The following SLC1A7 variants were observed in gnomAD, a reference collection of about 807,000 sequenced individuals.
The protein encoded by SLC1A7 is solute carrier family 1 member 7.
In SLC1A7, 40 loss-of-function variants were observed where a neutral mutation model predicts 47.7. The ratio of observed to expected loss-of-function variants is 0.84; its 90% confidence interval spans 0.65 to 1.09. SLC1A7 has a LOEUF of 1.09. Among genes scored for constraint, SLC1A7 ranks in the 50% least tolerant of loss-of-function variants. The pLI is 0.00. For missense variants in SLC1A7, 746 were observed against 769.5 expected, an observed-to-expected ratio of 0.97 and a Z score of 0.36; for synonymous variants, 323 against 325.6, an observed-to-expected ratio of 0.99 and a Z score of 0.09.
chr1:53,093,573 G>T lies in SLC1A7; in HGVS notation c.698-13C>A. Reference sequence around the variant, plus strand: ...CCCAGCATGATGCCTGCGGGTCAGGGACACAGTGCTGTGGTAAAGCAGGGA... The same window carrying T: ...CCCAGCATGATGCCTGCGGGTCAGGTACACAGTGCTGTGGTAAAGCAGGGA... On this transcript the variant is annotated splice_polypyrimidine_tract_variant and intron_variant, in intron 5 of 10. Transcript: ENST00000371494. The T allele has an allele frequency of 6.3e-7, 1 of 1,586,030 alleles. No homozygotes were observed. The highest frequency in any genetic ancestry group is 1.1e-5 in the South Asian group (1 of 87,984).
chr1:53,121,826 G>C (rs1644828821), intron 2 of SLC1A7, among the ~76,000 whole-genome samples: 2 of 152,236 alleles, frequency 1.3e-5, no homozygotes, highest in African/African-American at 4.8e-5. Flanking sequence ...GAGTCACCTG[G>C]GACGCGGGGC....
rs1212141950 is a variant in SLC1A7 at position 53,114,757 on chromosome 1, C to T, written c.431+1G>A. 2 of 1,613,230 alleles carry T rather than the reference C, an allele frequency of 1.2e-6. No individual in the cohort carries two copies. Reference sequence around the variant, plus strand: ...AGCGGGGTGTGGGTGGCAATAGTTACCGGATGAGGTCCAACAGGGCATCGG... The same window carrying T: ...AGCGGGGTGTGGGTGGCAATAGTTATCGGATGAGGTCCAACAGGGCATCGG... On this transcript the variant is annotated splice_donor_variant, in intron 3 of 10. Transcript: ENST00000371494. LOFTEE classifies it high-confidence loss of function.
At chr1:53,106,894 C>A (rs1409855376) in intron 3 of SLC1A7, among the ~76,000 whole-genome samples, 1 of 152,058 alleles carries the variant, frequency 6.6e-6, no homozygotes, top group Non-Finnish European at 1.5e-5. Flanking sequence ...GTAGTTCATG[C>A]CTGTAATCCC....
At position 53,114,873 on chromosome 1, in the gene SLC1A7, C is replaced by T. The variant is rs140456478; in HGVS notation, c.316G>A (p.Val106Met). 4.5e-5 allele frequency: 73 copies of T among 1,614,184 alleles called. No homozygotes were observed. The highest frequency in any genetic ancestry group is 5.6e-5 in the Non-Finnish European group (66 of 1,180,014). ...ATGATGGAGACCATGAAGATGCCCA[C>T]GATGACAGCCATGAAGGTGGTCCAC... ...YLWTTFMAVIVGIFMVSIIHP... is the reference protein window; with the variant it reads ...YLWTTFMAVIMGIFMVSIIHP... The change falls in exon 3 of 11, where the codon GTG becomes ATG. Residue 106 changes from valine (V) to methionine (M), a missense_variant. Transcript: ENST00000371494.
In SLC1A7 at chr1:53,092,874, C is replaced by A. The variant is rs943106601; in HGVS notation, c.798-87G>T. On this transcript the variant is annotated intron_variant, in intron 6 of 10. Coordinates refer to ENST00000371494, the MANE Select transcript of SLC1A7 (RefSeq NM_006671.6). ...CCCGCATCGCTGCGCGGCCTTCCCC[C>A]TGAGCTTCCTGGGGCTCCTGCGAGG... 4.7e-6 allele frequency: 4 copies of A among 851,948 alleles called. No individual in the cohort carries two copies. The East Asian group carries it at 7.7e-5, about 16-fold the overall frequency. The allele number at this position is 851,948 out of a possible 1,614,324, so 52.8% of individuals were successfully genotyped here.
At chr1:53,101,706 A>T (rs573368394) in intron 5 of SLC1A7, among the ~76,000 whole-genome samples, 79 of 142,646 alleles carry the variant, frequency 5.5e-4, no homozygotes, top group African/African-American at 2.1e-3. Context: ...CACTCACACC[A>T]GCTTGGTACA....
At chr1:53,138,791 CCTTT>C (rs1363499084) in intron 1 of SLC1A7, among the ~76,000 whole-genome samples, 2 of 152,138 alleles carry the variant, frequency 1.3e-5, no homozygotes, top group African/African-American at 4.8e-5. Context: ...GAGTATTTAT[CCTTT>C]CTATGTGTTG....
rs372112848 is a variant in SLC1A7 at position 53,090,775 on chromosome 1, G to A, written c.1063C>T (p.Leu355=). 7 of 1,613,000 alleles carry A rather than the reference G, an allele frequency of 4.3e-6. No homozygotes were observed. Among genetic ancestry groups the A allele is most frequent in the Non-Finnish European group, 5.1e-6 (6 of 1,179,642 alleles). Residue 355 remains leucine, a synonymous_variant, in exon 8 of 11, where the codon CTG becomes TTG. Transcript: ENST00000371494. ...CGGTCGATGTGGTTGTTCTCCAGCAGGCACTTGAAGGTGATGGGCAGTGTG... is the reference window on the plus strand; with the variant it reads ...CGGTCGATGTGGTTGTTCTCCAGCAAGCACTTGAAGGTGATGGGCAGTGTG... ...SATLPITFKC[L]LENNHIDRRI...
intron 1 of SLC1A7, 25 bp from the exon 2 acceptor site, chr1:53,134,454 T>C: frequency 6.5e-7 from 1 of 1,528,670 alleles, no homozygotes; most frequent in Non-Finnish European, 9.0e-7. Flanking sequence ...AGAACTGGGG[T>C]TATAGCAAGA....
At chr1:53,088,484 C>T (rs1420214387) in intron 10 of SLC1A7, among the ~76,000 whole-genome samples, 2 of 152,116 alleles carry the variant, frequency 1.3e-5, no homozygotes, top group Non-Finnish European at 2.9e-5. Flanking sequence ...TGGTGGATCC[C>T]CTGCCTGACC....
chr1:53,125,819 T>G (rs1644876616), intron 2 of SLC1A7, among the ~76,000 whole-genome samples: 1 of 152,170 alleles, frequency 6.6e-6, no homozygotes, highest in Admixed American at 6.5e-5. Context: ...GCAGGGCTGG[T>G]GGCAGGACCC....
At chr1:53,090,952 G>T in intron 7 of SLC1A7, 146 bp from the exon 8 acceptor site, 1 of 1,524,338 alleles carries the variant, frequency 6.6e-7, no homozygotes. Flanking sequence ...GGTAAGGACC[G>T]CGGGCACTGC....
In SLC1A7 at chr1:53,100,180, TTCACACACCCCACCTTGGTATAC is replaced by T. The variant is rs537437351; in HGVS notation, c.697+3143_697+3165del. ...CACCCACACACACCACCTCAGTACA[TTCACACACCCCACCTTGGTATAC>T]TCACACACCCCACCTTGGTACACTC... On this transcript the variant is annotated intron_variant, in intron 5 of 10. Transcript: ENST00000371494. 1.3e-3 allele frequency among the ~76,000 whole-genome samples: 107 copies of T among 81,862 alleles called. 1 individual carries two copies. The highest frequency in any genetic ancestry group is 5.2e-3 in the African/African-American group (103 of 19,764). 53.7% of individuals were successfully genotyped at this position (81,862 alleles called of 152,430 possible).
chr1:53,092,341 G>A (rs1644431316), intron 7 of SLC1A7, among the ~76,000 whole-genome samples: 1 of 152,246 alleles, frequency 6.6e-6, no homozygotes, highest in Admixed American at 6.5e-5. Flanking sequence ...GTGAGCTTGA[G>A]GACTGGGGCC....
rs373670493 is a variant in SLC1A7 at position 53,114,976 on chromosome 1, G to T, written c.216-3C>A. On this transcript the variant is annotated splice_region_variant and splice_polypyrimidine_tract_variant and intron_variant, in intron 2 of 10. Transcript: ENST00000371494. ...GGGAGGCAAGTCCGGACATCAAGCT[G>T]GGAGGGCGAGGGGGTCAGGGGCTGT... 2 of 1,612,530 alleles carry T rather than the reference G, an allele frequency of 1.2e-6. No individual in the cohort carries two copies. Among genetic ancestry groups the T allele is most frequent in the Admixed American group, 3.3e-5 (2 of 59,952 alleles).
intron 7 of SLC1A7, among the ~76,000 whole-genome samples, chr1:53,091,234 G>A (rs554553129): frequency 9.9e-4 from 151 of 152,360 alleles, no homozygotes; most frequent in Non-Finnish European, 1.9e-3. Flanking sequence ...AAACGACTAC[G>A]GGCTTGGACA....
chr1:53,111,081 A>C lies in SLC1A7; in HGVS notation c.431+3677T>G, dbSNP rs7543888. On this transcript the variant is annotated intron_variant, in intron 3 of 10. Transcript: ENST00000371494. The stretch of plus-strand genomic sequence containing the variant: ...TTCCAGTGGATGTGGGAGGAAAAGA[A>C]ACACGTAGATATGATCATGTTGGGT... Among the ~76,000 whole-genome samples the C allele has an allele frequency of 7.6e-3, 1,153 of 152,304 alleles. 18 individuals carry two copies. The highest frequency in any genetic ancestry group is 0.026 in the African/African-American group (1,077 of 41,572).
chr1:53,093,396 G>T, intron 6 of SLC1A7, 65 bp downstream of exon 6: 2 of 1,250,516 alleles, frequency 1.6e-6, no homozygotes, highest in Non-Finnish European at 2.3e-6. Context: ...AAGAGGGTGG[G>T]GTCTTGTCTT....
chr1:53,120,696 C>A (rs1395566902), intron 2 of SLC1A7, among the ~76,000 whole-genome samples: 1 of 152,248 alleles, frequency 6.6e-6, no homozygotes, highest in African/African-American at 2.4e-5. Context: ...CCCTGTGCTT[C>A]CCAGTTTGTT....
Sources: gnomAD v4.1 joint callset for allele counts (sites outside exome capture counted in the v4.1 genomes callset) on GRCh38, gnomAD v4.1.1 for gene constraint, MANE v1.5 for transcripts, NCBI Gene and HGNC (gene_info 2026-07-23, HGNC 2026-07-21) for gene names.